The following DDX60L variants were observed in gnomAD, a reference collection of about 807,000 sequenced individuals.
DDX60L encodes DExD/H-box 60 like.
A neutral mutation model predicts 211.6 loss-of-function variants in DDX60L; 191 were observed. The observed-to-expected ratio is 0.90, with a 90% CI of 0.80 to 1.02. The LOEUF (loss-of-function observed/expected upper bound fraction) is 1.02, where lower values mean the gene tolerates loss of function less well. DDX60L is among the 50% of genes least tolerant of loss of function. The pLI is 0.00. For missense variants in DDX60L, 2,007 were observed against 1,984.1 expected (o/e 1.01, Z -0.22); for synonymous variants, 706 against 694.1 (o/e 1.02, Z -0.27).
Position 168,386,687 on chromosome 4 carries a change from T to A in DDX60L, c.3916-1875A>T, listed in dbSNP as rs904137602. 5.3e-5 allele frequency among the ~76,000 whole-genome samples: 8 copies of A among 151,870 alleles called. No individual in the cohort carries two copies. The South Asian group carries it at 6.2e-4, about 12-fold the overall frequency. The stretch of plus-strand genomic sequence containing the variant: ...ATTCAACTAATCCCTGATGTTTTTT[T>A]AATCAAAGTCACGTCCCCAAGGGCC... On this transcript the variant is annotated intron_variant, in intron 29 of 37. Coordinates refer to ENST00000682922, the MANE Select transcript of DDX60L (RefSeq NM_001012967.3).
chr4:168,391,685 A>C (rs747264678), intron 28 of DDX60L, 41 bp from the exon 29 acceptor site: 7 of 1,092,068 alleles, frequency 6.4e-6, no homozygotes, highest in Non-Finnish European at 1.3e-6. Context: ...ACAATATAGC[A>C]TATCTATAAG....
chr4:168,392,078 T>C (rs1263297342), intron 28 of DDX60L, among the ~76,000 whole-genome samples: 2 of 152,292 alleles, frequency 1.3e-5, no homozygotes, highest in Admixed American at 6.5e-5. Context: ...ACAATAAATA[T>C]GTGTCCAATA....
chr4:168,381,003 G>A lies in DDX60L; in HGVS notation c.4117-1173C>T, dbSNP rs912540894. On this transcript the variant is annotated intron_variant, in intron 30 of 37. Transcript: ENST00000682922. ...TTGAACTTGAAAGAGATGATTTAGG[G>A]TATGTGGCAGAAATAAATTTCTAAG... Among the ~76,000 whole-genome samples, 6 of 152,150 alleles carry A rather than the reference G, an allele frequency of 3.9e-5. 1 individual carries two copies. Among genetic ancestry groups the A allele is most frequent in the Admixed American group, 3.3e-4 (5 of 15,278 alleles).
intron 1 of DDX60L, among the ~76,000 whole-genome samples, chr4:168,479,050 C>A (rs1259133187): frequency 6.6e-6 from 1 of 152,080 alleles, no homozygotes; most frequent in Admixed American, 6.5e-5. Flanking sequence ...GCCAAAATAT[C>A]TTTTAAAGTG....
Position 168,439,477 on chromosome 4 carries a change from G to C in DDX60L, c.1294+1860C>G, listed in dbSNP as rs866079739. 2.0e-5 allele frequency among the ~76,000 whole-genome samples: 3 copies of C among 152,052 alleles called. No homozygotes were observed. The South Asian group carries it at 6.2e-4, about 32-fold the overall frequency. On this transcript the variant is annotated intron_variant, in intron 10 of 37. Coordinates refer to ENST00000682922, the MANE Select transcript of DDX60L (RefSeq NM_001012967.3). ...CTTAAGACCTGCCCTATAAATTTTG[G>C]ACTTGCCGAGCCAGTCCCTATAATC... is the stretch of plus-strand genomic sequence containing the variant.
At chr4:168,433,730 G>A (rs188503417) in intron 10 of DDX60L, among the ~76,000 whole-genome samples, 1 of 152,204 alleles carries the variant, frequency 6.6e-6, no homozygotes, top group Non-Finnish European at 1.5e-5. Flanking sequence ...TTTTGCCAAT[G>A]TATCCACAAT....
intron 36 of DDX60L, among the ~76,000 whole-genome samples, chr4:168,370,530 C>A (rs1740819928): frequency 6.6e-6 from 1 of 151,804 alleles, no homozygotes; most frequent in Non-Finnish European, 1.5e-5. Context: ...CAGTAAGGTA[C>A]GTATAGTTAA....
At chr4:168,397,456 A>T (rs1560985952) in intron 26 of DDX60L, among the ~76,000 whole-genome samples, 1 of 152,218 alleles carries the variant, frequency 6.6e-6, no homozygotes, top group Non-Finnish European at 1.5e-5. Flanking sequence ...CAAAAGACAA[A>T]GGGTAATAGA....
intron 9 of DDX60L, among the ~76,000 whole-genome samples, chr4:168,447,326 A>G (rs1273922019): frequency 6.8e-6 from 1 of 146,696 alleles, no homozygotes; most frequent in Admixed American, 6.8e-5. Context: ...TCAAAACCAC[A>G]ATGAGATACC....
At chr4:168,410,701 C>T (rs1748530073) in intron 22 of DDX60L, among the ~76,000 whole-genome samples, 1 of 152,146 alleles carries the variant, frequency 6.6e-6, no homozygotes, top group Admixed American at 6.5e-5. Flanking sequence ...TTAATGTCTT[C>T]CCACACTCAT....
intron 33 of DDX60L, among the ~76,000 whole-genome samples, chr4:168,377,572 T>A (rs1302512724): frequency 6.6e-6 from 1 of 152,166 alleles, no homozygotes; most frequent in Non-Finnish European, 1.5e-5. Context: ...GTTTCCTTTT[T>A]AAATACTTTA....
At chr4:168,449,805 T>TAAAAA (rs777111638) in intron 8 of DDX60L, among the ~76,000 whole-genome samples, 19 of 77,798 alleles carry the variant, frequency 2.4e-4, no homozygotes, top group African/African-American at 8.4e-4. Context: ...TGGGTAAAAA[T>TAAAAA]AAAAAAAAAA....
chr4:168,441,293 G>A (rs141950675), intron 10 of DDX60L, 44 bp downstream of exon 10: 2 of 1,525,582 alleles, frequency 1.3e-6, no homozygotes, highest in East Asian at 4.6e-5. Context: ...AAGTTGTTCA[G>A]GACAAACATG....
Position 168,462,044 on chromosome 4 carries a change from TGG to T in DDX60L, c.265-6_265-5del. The T allele has an allele frequency of 6.4e-7, 1 of 1,572,220 alleles. No individual in the cohort carries two copies. The highest frequency in any genetic ancestry group is 8.6e-7 in the Non-Finnish European group (1 of 1,158,106). ...CAAAATATGCATATTCAGCATCCTG[TGG>T]TGAGAAAAAGAAACAAGCACATCAT... On this transcript the variant is annotated splice_region_variant and splice_polypyrimidine_tract_variant and intron_variant, in intron 4 of 37. Coordinates refer to ENST00000682922, the MANE Select transcript of DDX60L (RefSeq NM_001012967.3).
intron 30 of DDX60L, among the ~76,000 whole-genome samples, chr4:168,383,940 C>G (rs1301024170): frequency 6.6e-6 from 1 of 152,168 alleles, no homozygotes; most frequent in Non-Finnish European, 1.5e-5. Flanking sequence ...AAGGCAGACC[C>G]ACCCTTAATG....
chr4:168,379,631 T>C lies in DDX60L; in HGVS notation c.4221+95A>G, dbSNP rs564882318. 7.4e-5 allele frequency: 89 copies of C among 1,208,896 alleles called. 1 individual carries two copies. The highest frequency in any genetic ancestry group is 5.9e-4 in the Middle Eastern group (3 of 5,094). The allele number at this position is 1,208,896 out of a possible 1,614,324, so 74.9% of individuals were successfully genotyped here. The stretch of plus-strand genomic sequence containing the variant: ...AATAAATGATAAGTAACATTATCAT[T>C]GAATGCAGATTATAGAAATTTCAGT... On this transcript the variant is annotated intron_variant, in intron 31 of 37. Transcript: ENST00000682922.
intron 36 of DDX60L, among the ~76,000 whole-genome samples, chr4:168,364,014 G>C (rs1291618976): frequency 6.6e-6 from 1 of 152,180 alleles, no homozygotes; most frequent in Non-Finnish European, 1.5e-5. Flanking sequence ...TAGCTACTCA[G>C]GAGGCTGAGC....
chr4:168,438,403 T>C (rs916984662), intron 10 of DDX60L, among the ~76,000 whole-genome samples: 1 of 152,208 alleles, frequency 6.6e-6, no homozygotes, highest in African/African-American at 2.4e-5. Flanking sequence ...CTTCTTGGGA[T>C]TGTGTTTTCC....
At position 168,420,267 on chromosome 4, in the gene DDX60L, G is replaced by C; in HGVS notation, c.2508C>G (p.Asn836Lys). The C allele has an allele frequency of 6.3e-7, 1 of 1,595,772 alleles. No homozygotes were observed. The stretch of plus-strand genomic sequence containing the variant: ...ATTAATTAATATGTCATACCTGACA[G>C]TTTAGTACATTGTGACAATAATCTC... ...FTRDYCHNVL[N>K]CQVLITVPEC... is the part of the protein sequence containing the mutation. Residue 836 changes from asparagine to lysine, a missense_variant, in exon 18 of 38, where the codon AAC (asparagine) becomes AAG (lysine). Transcript: ENST00000682922.
Sources: gnomAD v4.1 joint callset for allele counts (sites outside exome capture counted in the v4.1 genomes callset) on GRCh38, gnomAD v4.1.1 for gene constraint, MANE v1.5 for transcripts, NCBI Gene and HGNC (gene_info 2026-07-23, HGNC 2026-07-21) for gene names.